The following LRRC4C variants were observed in gnomAD, a reference collection of about 807,000 sequenced individuals.
LRRC4C encodes leucine rich repeat containing 4C, also known as leucine-rich repeat-containing protein 4C.
LRRC4C carries 5 observed loss-of-function variants against 33.6 expected under a neutral mutation model. That is an observed-to-expected ratio of 0.15 (90% CI 0.08 to 0.31). The LOEUF (loss-of-function observed/expected upper bound fraction) is 0.31. Ranked by LOEUF, LRRC4C falls within the 10% of genes least tolerant of loss-of-function variation. The probability of loss-of-function intolerance (pLI) is 1.00; values close to 1 mark genes in which losing one functional copy is unlikely to be tolerated. For synonymous variants in LRRC4C, 329 were observed against 302.0 expected, an observed-to-expected ratio of 1.09 and a Z score of -0.93; for missense variants, 560 against 796.7, an observed-to-expected ratio of 0.70 and a Z score of 3.58.
At chr11:40,894,866 T>C (rs999571592) in intron 2 of LRRC4C, among the ~76,000 whole-genome samples, 7 of 152,318 alleles carry the variant, frequency 4.6e-5, no homozygotes, top group Admixed American at 4.6e-4. Flanking sequence ...AGACTTCTGG[T>C]ACATATTATA....
chr11:41,015,488 A>G (rs899926872), intron 1 of LRRC4C, among the ~76,000 whole-genome samples: 14 of 152,012 alleles, frequency 9.2e-5, no homozygotes, highest in Admixed American at 2.0e-4. Flanking sequence ...ACCAGTCTGT[A>G]TTTTTAGGAG....
intron 1 of LRRC4C, among the ~76,000 whole-genome samples, chr11:41,194,125 C>T (rs1055029908): frequency 1.3e-5 from 2 of 151,996 alleles, no homozygotes; most frequent in Non-Finnish European, 2.9e-5. Flanking sequence ...ATTTTCTCTT[C>T]CTTATGATTT....
At chr11:40,185,377 C>T (rs1009035721) in intron 5 of LRRC4C, among the ~76,000 whole-genome samples, 1 of 152,066 alleles carries the variant, frequency 6.6e-6, no homozygotes, top group Admixed American at 6.5e-5. Context: ...AGCCTTGATT[C>T]AAGAGCCCAA....
At chr11:40,397,039 T>A (rs11035823) in intron 3 of LRRC4C, among the ~76,000 whole-genome samples, 57,689 of 151,834 alleles carry the variant, frequency 0.38, 11,350 homozygotes, top group South Asian at 0.48. Flanking sequence ...GTAAATTGAA[T>A]ATATACTTCA....
intron 1 of LRRC4C, among the ~76,000 whole-genome samples, chr11:41,305,425 G>C (rs1391992094): frequency 4.0e-5 from 2 of 50,558 alleles, no homozygotes; most frequent in African/African-American, 8.8e-5. Flanking sequence ...CATTGAGAAC[G>C]GGCCAGGATG....
intron 1 of LRRC4C, among the ~76,000 whole-genome samples, chr11:41,159,253 T>C (rs1449297280): frequency 6.6e-6 from 1 of 152,102 alleles, no homozygotes; most frequent in Non-Finnish European, 1.5e-5. Flanking sequence ...ATCATGCCAC[T>C]GTACTCCAGC....
chr11:41,200,732 G>GC (rs1338676856), intron 1 of LRRC4C, among the ~76,000 whole-genome samples: 3 of 151,936 alleles, frequency 2.0e-5, no homozygotes, highest in Admixed American at 1.3e-4. Context: ...CCAAAATATG[G>GC]CCCCCCCAAA....
intron 3 of LRRC4C, among the ~76,000 whole-genome samples, chr11:40,534,405 A>T (rs955775595): frequency 6.6e-6 from 1 of 152,176 alleles, no homozygotes; most frequent in African/African-American, 2.4e-5. Flanking sequence ...GCCAGTTCTT[A>T]AAAAATTACT....
intron 3 of LRRC4C, among the ~76,000 whole-genome samples, chr11:40,444,274 G>A (rs942578043): frequency 1.3e-5 from 2 of 151,806 alleles, no homozygotes; most frequent in African/African-American, 4.8e-5. Context: ...TTTAGCTAAG[G>A]AAGCCTAATA....
rs1205228605 is a variant in LRRC4C at position 41,325,574 on chromosome 11, TTTTTGTGTGTGTG to T, written c.-496+133844_-496+133856del. Among the ~76,000 whole-genome samples, 240 of 99,980 alleles carry T rather than the reference TTTTTGTGTGTGTG, an allele frequency of 2.4e-3. 3 individuals are homozygous for T. The highest frequency in any genetic ancestry group is 7.7e-3 in the African/African-American group (235 of 30,468). 65.6% of individuals were successfully genotyped at this position (99,980 alleles called of 152,430 possible). A position where few individuals can be genotyped will look rare whatever the true frequency, so the allele number is the denominator to read the frequency against. On this transcript the variant is annotated intron_variant, in intron 1 of 6. Transcript: ENST00000528697. ...AAATTATTGTCCTTATAGTTTTTTT[TTTTTGTGTGTGTG>T]TGTGTGTGTGTGTGTGTGTGTGTGT...
intron 1 of LRRC4C, among the ~76,000 whole-genome samples, chr11:40,978,119 T>C (rs895242372): frequency 1.3e-5 from 2 of 152,218 alleles, no homozygotes; most frequent in Non-Finnish European, 2.9e-5. Flanking sequence ...TAAACTACCA[T>C]TATTTCTTCC....
intron 1 of LRRC4C, among the ~76,000 whole-genome samples, chr11:41,018,678 C>T (rs576799836): frequency 1.3e-4 from 20 of 152,240 alleles, no homozygotes; most frequent in Non-Finnish European, 1.9e-4. Flanking sequence ...TTTGGAACCC[C>T]TTTCTTCACC....
At chr11:40,754,699 T>A (rs1948860248) in intron 2 of LRRC4C, among the ~76,000 whole-genome samples, 1 of 152,138 alleles carries the variant, frequency 6.6e-6, no homozygotes, top group South Asian at 2.1e-4. Flanking sequence ...CAAAGCAGTA[T>A]CTTAAGAGTC....
intron 2 of LRRC4C, among the ~76,000 whole-genome samples, chr11:40,844,919 C>T (rs1953086545): frequency 6.6e-6 from 1 of 152,000 alleles, no homozygotes. Flanking sequence ...AGCCATTCCA[C>T]AATGTACACA....
chr11:40,579,670 A>G (rs1282156952), intron 3 of LRRC4C, among the ~76,000 whole-genome samples: 1 of 152,126 alleles, frequency 6.6e-6, no homozygotes, highest in Non-Finnish European at 1.5e-5. Context: ...TATAACTCTT[A>G]CGTGTTTGTA....
Position 41,226,336 on chromosome 11 carries a change from C to T in LRRC4C, c.-496+233095G>A, listed in dbSNP as rs1234066875. 2.0e-5 allele frequency among the ~76,000 whole-genome samples: 3 copies of T among 152,114 alleles called. No homozygotes were observed. In the East Asian group the frequency reaches 5.8e-4, roughly 29 times the overall value. On this transcript the variant is annotated intron_variant, in intron 1 of 6. Coordinates refer to ENST00000528697, the MANE Select transcript of LRRC4C (RefSeq NM_001258419.2). Reference sequence around the variant, plus strand: ...TTTTTCCATCAAAAGAAACATCCCTCATGGAGTATTTCAATGCCTGAGTCC... The same window carrying T: ...TTTTTCCATCAAAAGAAACATCCCTTATGGAGTATTTCAATGCCTGAGTCC...
chr11:41,245,962 TG>T (rs1241232233), intron 1 of LRRC4C, among the ~76,000 whole-genome samples: 2 of 152,064 alleles, frequency 1.3e-5, no homozygotes, highest in Non-Finnish European at 2.9e-5. Flanking sequence ...GATTGGTCCC[TG>T]GGTGGCCATG....
intron 5 of LRRC4C, among the ~76,000 whole-genome samples, chr11:40,216,845 A>G (rs1864016002): frequency 6.6e-6 from 1 of 152,294 alleles, no homozygotes; most frequent in African/African-American, 2.4e-5. Context: ...GAATTCAGGG[A>G]TGGACAGCAA....
chr11:40,284,851 A>G (rs1943724805), intron 4 of LRRC4C, among the ~76,000 whole-genome samples: 1 of 152,166 alleles, frequency 6.6e-6, no homozygotes, highest in Non-Finnish European at 1.5e-5. Context: ...AGGTTTCTGG[A>G]GAAAAAATAA....
Sources: gnomAD v4.1 joint callset for allele counts (sites outside exome capture counted in the v4.1 genomes callset) on GRCh38, gnomAD v4.1.1 for gene constraint, MANE v1.5 for transcripts, NCBI Gene and HGNC (gene_info 2026-07-23, HGNC 2026-07-21) for gene names.